The following HOMER2 variants were observed in gnomAD, a reference collection of about 807,000 sequenced individuals.
HOMER2 encodes the protein homer protein homolog 2.
In HOMER2, 27 loss-of-function variants were observed where a neutral mutation model predicts 47.0. The ratio of observed to expected loss-of-function variants is 0.57; its 90% confidence interval spans 0.42 to 0.79. HOMER2 has a LOEUF of 0.79. Among genes scored for constraint, HOMER2 ranks in the 30% least tolerant of loss-of-function variants. The probability of loss-of-function intolerance (pLI) is 0.00; values close to 1 mark genes in which losing one functional copy is unlikely to be tolerated. For missense variants in HOMER2, 443 were observed against 435.0 expected (o/e 1.02, Z -0.16); for synonymous variants, 161 against 163.8 (o/e 0.98, Z 0.13).
intron 1 of HOMER2, among the ~76,000 whole-genome samples, chr15:82,912,889 G>T (rs2053487902): frequency 6.6e-6 from 1 of 152,248 alleles, no homozygotes; most frequent in African/African-American, 2.4e-5. Flanking sequence ...CTGTGTGTGT[G>T]TGACTGTTCT....
chr15:82,864,326 CTTTA>C (rs1011180229), intron 3 of HOMER2, 67 bp from the exon 4 acceptor site: 5 of 1,065,626 alleles, frequency 4.7e-6, no homozygotes, highest in Middle Eastern at 2.1e-4. Flanking sequence ...CAGAACCCAC[CTTTA>C]TTTATTTTGC....
intron 1 of HOMER2, among the ~76,000 whole-genome samples, chr15:82,912,381 T>C (rs530646294): frequency 2.7e-4 from 41 of 152,238 alleles, no homozygotes; most frequent in Non-Finnish European, 5.3e-4. Flanking sequence ...GTGAGCGTAA[T>C]ATTTCTGAGG....
At chr15:82,944,603 TGAA>T (rs542828120) in intron 1 of HOMER2, among the ~76,000 whole-genome samples, 142 of 152,278 alleles carry the variant, frequency 9.3e-4, no homozygotes, top group Non-Finnish European at 1.8e-3. Context: ...TTGACAAAGG[TGAA>T]GAAGGTTTTT....
intron 1 of HOMER2, among the ~76,000 whole-genome samples, chr15:82,963,994 G>T (rs1422485745): frequency 6.6e-6 from 1 of 152,200 alleles, no homozygotes; most frequent in Non-Finnish European, 1.5e-5. Flanking sequence ...TCCTAATTTA[G>T]AACTAAAGAA....
At chr15:82,971,107 G>A (rs994454283) in intron 1 of HOMER2, among the ~76,000 whole-genome samples, 5 of 152,126 alleles carry the variant, frequency 3.3e-5, no homozygotes, top group Non-Finnish European at 7.3e-5. Context: ...TTAATACACG[G>A]GCACCTGTTT....
chr15:82,929,917 A>T (rs2053963905), intron 1 of HOMER2, among the ~76,000 whole-genome samples: 1 of 151,266 alleles, frequency 6.6e-6, no homozygotes, highest in South Asian at 2.1e-4. Flanking sequence ...TTTAGTAGAG[A>T]TGGGGCTTCT....
intron 7 of HOMER2, among the ~76,000 whole-genome samples, chr15:82,851,529 A>C (rs966934797): frequency 3.9e-5 from 6 of 152,192 alleles, no homozygotes; most frequent in African/African-American, 7.2e-5. Flanking sequence ...ACGGCCTCCA[A>C]CATGTGTGCA....
At chr15:82,955,354 A>G (rs1468923349), upstream of HOMER2, among the ~76,000 whole-genome samples, 1 of 151,718 alleles carries the variant, frequency 6.6e-6, no homozygotes, top group Admixed American at 6.6e-5. Context: ...TAGTTTTAGT[A>G]GAGATGGGGT....
chr15:82,858,799 C>T (rs1001195341), intron 5 of HOMER2, among the ~76,000 whole-genome samples: 1 of 152,060 alleles, frequency 6.6e-6, no homozygotes. Context: ...CTCTCTCTCA[C>T]ACACACACAC....
chr15:82,910,608 AG>A (rs1359282900), intron 1 of HOMER2, among the ~76,000 whole-genome samples: 1 of 152,244 alleles, frequency 6.6e-6, no homozygotes, highest in Non-Finnish European at 1.5e-5. Flanking sequence ...TTTGGGGGAA[AG>A]AAATCTGGAA....
At chr15:82,978,616 G>A (rs909278445) in intron 1 of HOMER2, among the ~76,000 whole-genome samples, 5 of 152,138 alleles carry the variant, frequency 3.3e-5, no homozygotes, top group South Asian at 2.1e-4. Flanking sequence ...ATCTCATTTC[G>A]CAGTTCCAAC....
At chr15:82,858,368 C>A (rs2051657928) in intron 5 of HOMER2, among the ~76,000 whole-genome samples, 1 of 152,076 alleles carries the variant, frequency 6.6e-6, no homozygotes, top group Non-Finnish European at 1.5e-5. Flanking sequence ...CAGCTCACTG[C>A]AGCCTCTGCC....
In HOMER2 at chr15:82,937,920, G is replaced by T. The variant is rs145130705; in HGVS notation, c.5+14611C>A. ...CCACTGGCAGCTTTACAAAGTCACA[G>T]TCTTCAATCTTCAACCGGTCCCTGA... On this transcript the variant is annotated intron_variant, in intron 1 of 8. Transcript: ENST00000450735. Among the ~76,000 whole-genome samples the T allele has an allele frequency of 6.8e-4, 103 of 152,320 alleles. 1 individual carries two copies. The East Asian group carries it at 0.019, about 28-fold the overall frequency.
Position 82,888,916 on chromosome 15 carries a change from C to T in HOMER2, c.162+3769G>A, listed in dbSNP as rs983626819. Among the ~76,000 whole-genome samples the T allele has an allele frequency of 2.6e-5, 4 of 151,786 alleles. 2 individuals carry two copies. The highest frequency in any genetic ancestry group is 5.9e-5 in the Non-Finnish European group (4 of 67,930). Reference sequence around the variant, plus strand: ...TTCCTATTCGGCCATCTTGGCTCCTCCCCACCAGCCACTTCTTACTGAAAC... The same window carrying T: ...TTCCTATTCGGCCATCTTGGCTCCTTCCCACCAGCCACTTCTTACTGAAAC... On this transcript the variant is annotated intron_variant, in intron 2 of 8. Coordinates refer to ENST00000450735, the MANE Select transcript of HOMER2 (RefSeq NM_004839.4).
At chr15:82,980,935 T>C (rs1015798782) in intron 1 of HOMER2, among the ~76,000 whole-genome samples, 1 of 151,998 alleles carries the variant, frequency 6.6e-6, no homozygotes, top group African/African-American at 2.4e-5. Context: ...CTTTGTAAAA[T>C]ACGCATGTCG....
intron 1 of HOMER2, among the ~76,000 whole-genome samples, chr15:82,960,565 G>A (rs944622374): frequency 1.3e-5 from 2 of 152,200 alleles, no homozygotes; most frequent in South Asian, 2.1e-4. Context: ...TTTAAAAAGC[G>A]AGATAACTCC....
Position 82,864,203 on chromosome 15 carries a change from C to A in HOMER2, c.351G>T (p.Thr117=). Residue 117 remains threonine, a synonymous_variant, in exon 4 of 9, where the codon ACG becomes ACT. Transcript: ENST00000450735. ...KEAAKIAKDK[T]QEKIETSSNH... The stretch of plus-strand genomic sequence containing the variant: ...TACTTGAGGTCTCGATTTTCTCCTG[C>A]GTCTTGTCTTTGGCTATCTTGGCAG... 1.9e-6 allele frequency: 3 copies of A among 1,611,206 alleles called. No individual in the cohort carries two copies. The highest frequency in any genetic ancestry group is 2.5e-6 in the Non-Finnish European group (3 of 1,178,532).
intron 1 of HOMER2, among the ~76,000 whole-genome samples, chr15:82,908,431 T>C (rs2053352116): frequency 6.6e-6 from 1 of 152,182 alleles, no homozygotes; most frequent in Non-Finnish European, 1.5e-5. Flanking sequence ...CTAAGTGGTT[T>C]ATCTGGTCTT....
intron 6 of HOMER2, among the ~76,000 whole-genome samples, chr15:82,854,176 G>A (rs1457406922): frequency 2.0e-5 from 3 of 152,170 alleles, no homozygotes; most frequent in Non-Finnish European, 4.4e-5. Flanking sequence ...AGGCTGAGGC[G>A]GGTGTATCAC....
Sources: gnomAD v4.1 joint callset for allele counts (sites outside exome capture counted in the v4.1 genomes callset) on GRCh38, gnomAD v4.1.1 for gene constraint, MANE v1.5 for transcripts, NCBI Gene and HGNC (gene_info 2026-07-23, HGNC 2026-07-21) for gene names.